FGF13: variants seen among roughly 807,000 people sequenced by gnomAD.
The protein encoded by FGF13 is fibroblast growth factor 13.
In FGF13, 2 loss-of-function variants were observed where a neutral mutation model predicts 19.5. The ratio of observed to expected loss-of-function variants is 0.10; its 90% CI spans 0.04 to 0.32. FGF13 has a LOEUF of 0.32. Ranked by LOEUF, FGF13 falls within the 10% of genes least tolerant of loss-of-function variation. The probability of loss-of-function intolerance (pLI) is 1.00; values close to 1 mark genes in which losing one functional copy is unlikely to be tolerated. For synonymous variants in FGF13, 72 were observed against 76.9 expected (o/e 0.94, Z 0.33); for missense variants, 113 against 192.7 (o/e 0.59, Z 2.45).
intron 1 of FGF13, among the ~76,000 whole-genome samples, chrX:139,089,448 T>C (rs149708198): frequency 2.7e-5 from 3 of 112,343 alleles, no homozygotes; most frequent in Non-Finnish European, 5.6e-5. Context: ...TGGACTCTTA[T>C]GAAGGGGTGA....
At chrX:139,161,869 G>C (rs961953415) in intron 1 of FGF13, among the ~76,000 whole-genome samples, 1 of 111,642 alleles carries the variant, frequency 9.0e-6, no homozygotes, top group Non-Finnish European at 1.9e-5. Context: ...TCTTCAAGGA[G>C]AACTACAAAC....
chrX:138,760,919 A>C, intron 3 of FGF13, among the ~76,000 whole-genome samples: 1 of 111,939 alleles, frequency 8.9e-6, no homozygotes, highest in Non-Finnish European at 1.9e-5. Flanking sequence ...CAAAAAAACA[A>C]ACCTGGAACA....
intron 1 of FGF13, among the ~76,000 whole-genome samples, chrX:138,719,077 C>A (rs778436736): frequency 8.9e-6 from 1 of 112,026 alleles, no homozygotes; most frequent in Non-Finnish European, 1.9e-5. Context: ...AGCTAAGGAT[C>A]CTGAGCCAAA....
rs774810533 is a variant in FGF13 at position 139,141,834 on chromosome X, C to A, written c.-113+61582G>T. Among the ~76,000 whole-genome samples the A allele has an allele frequency of 2.1e-4, 24 of 112,241 alleles. No homozygotes were observed. In the South Asian group the frequency reaches 9.0e-3, roughly 42 times the overall value. On this transcript the variant is annotated intron_variant, in intron 1 of 2. Transcript: ENST00000421460. ...ATTCAATACTCTGGTTTCCAGTAGG[C>A]ACATAATAGGTACTCAGTGAATATT...
At chrX:138,993,893 T>G (rs1050260226) in intron 1 of FGF13, among the ~76,000 whole-genome samples, 13 of 111,701 alleles carry the variant, frequency 1.2e-4, no homozygotes, top group African/African-American at 4.2e-4. Context: ...AGACACCAAG[T>G]AGTAACTACT....
chrX:138,636,814 T>C (rs963938537), intron 3 of FGF13, among the ~76,000 whole-genome samples: 1 of 111,775 alleles, frequency 8.9e-6, no homozygotes, highest in Non-Finnish European at 1.9e-5. Context: ...TTAAAAACAA[T>C]GTCTCCATGG....
At chrX:138,966,900 A>T (rs1020599152) in intron 1 of FGF13, among the ~76,000 whole-genome samples, 21 of 111,413 alleles carry the variant, frequency 1.9e-4, no homozygotes, top group African/African-American at 6.9e-4. Flanking sequence ...GTGATAGCCA[A>T]GTTCTCATGA....
At chrX:139,060,730 A>G (rs973239987) in intron 1 of FGF13, among the ~76,000 whole-genome samples, 1 of 111,648 alleles carries the variant, frequency 9.0e-6, no homozygotes, top group African/African-American at 3.2e-5. Flanking sequence ...ACTTGTTCAA[A>G]GTAACTTTTT....
chrX:139,020,475 C>T lies in FGF13; in HGVS notation c.-112-155825G>A, dbSNP rs139979897. 8.6e-3 allele frequency among the ~76,000 whole-genome samples: 947 copies of T among 110,590 alleles called. 8 individuals are homozygous for T. Among genetic ancestry groups the T allele is most frequent in the African/African-American group, 0.03 (899 of 30,446 alleles). On this transcript the variant is annotated intron_variant, in intron 1 of 2. Coordinates refer to the FGF13 transcript ENST00000421460. ...CTGCCCCTCTCAAGAGTAAAGCTGA[C>T]GGGTCTTCCTACTACATTACTGCTG...
intron 3 of FGF13, among the ~76,000 whole-genome samples, chrX:138,813,598 G>T (rs184820789): frequency 1.6e-3 from 177 of 112,014 alleles, no homozygotes; most frequent in African/African-American, 5.5e-3. Flanking sequence ...AGTTGCTACA[G>T]TGAAATACCG....
chrX:139,064,281 CTTTTTTTTTTTT>C (rs139084376), intron 1 of FGF13, among the ~76,000 whole-genome samples: 1 of 23,159 alleles, frequency 4.3e-5, no homozygotes, highest in Non-Finnish European at 6.7e-5. Context: ...CTTTTTTTTT[CTTTTTTTTTTTT>C]TTTTTTTTTT....
rs2089931808 is a variant in FGF13, at chrX:138,700,024, T to A, written c.402+2960A>T. Among the ~76,000 whole-genome samples the A allele has an allele frequency of 4.5e-5, 5 of 110,998 alleles. No individual in the cohort carries two copies. The South Asian group carries it at 1.9e-3, about 43-fold the overall frequency. The stretch of plus-strand genomic sequence containing the variant: ...CTGACTTCTGTGAAGGTTTTTTTTT[T>A]AATTCTTACCTGAAGACACCTCATT... On this transcript the variant is annotated intron_variant, in intron 3 of 4. Coordinates refer to ENST00000315930, the MANE Select transcript of FGF13 (RefSeq NM_004114.5).
At chrX:138,652,393 C>T (rs911371157) in intron 3 of FGF13, among the ~76,000 whole-genome samples, 1 of 111,520 alleles carries the variant, frequency 9.0e-6, no homozygotes, top group East Asian at 2.8e-4. Context: ...TCTGTCTACC[C>T]TCTCTATAAT....
At chrX:138,846,120 T>C (rs1299285312) in intron 3 of FGF13, among the ~76,000 whole-genome samples, 1 of 110,615 alleles carries the variant, frequency 9.0e-6, no homozygotes, top group Admixed American at 9.7e-5. Flanking sequence ...ATGTGAGCTG[T>C]ACTATTCTGC....
Position 139,085,234 on chromosome X carries a change from C to T in FGF13, c.-113+118182G>A, listed in dbSNP as rs1265299866. 2.7e-5 allele frequency among the ~76,000 whole-genome samples: 3 copies of T among 111,914 alleles called. No individual in the cohort carries two copies. The Admixed American group carries it at 2.8e-4, about 11-fold the overall frequency. On this transcript the variant is annotated intron_variant, in intron 1 of 2. Coordinates refer to the FGF13 transcript ENST00000421460. Reference sequence around the variant, plus strand: ...ATTCAAAAAAAGGACTTGTCATACACTAGGAATAATACTGGATCTAGAACC... The same window carrying T: ...ATTCAAAAAAAGGACTTGTCATACATTAGGAATAATACTGGATCTAGAACC...
intron 1 of FGF13, among the ~76,000 whole-genome samples, chrX:138,911,327 C>T (rs1347510900): frequency 1.4e-4 from 15 of 110,555 alleles, no homozygotes; most frequent in African/African-American, 4.9e-4. Context: ...ATGGATGGAG[C>T]TGGAGGCCAT....
intron 3 of FGF13, among the ~76,000 whole-genome samples, chrX:138,824,771 G>T (rs777367787): frequency 9.0e-6 from 1 of 111,537 alleles, no homozygotes; most frequent in Non-Finnish European, 1.9e-5. Context: ...GGCACGGCTA[G>T]GATTTTCTAT....
chrX:138,688,805 T>C (rs936063795), intron 3 of FGF13, among the ~76,000 whole-genome samples: 1 of 112,035 alleles, frequency 8.9e-6, no homozygotes, highest in Non-Finnish European at 1.9e-5. Flanking sequence ...TTTTTTCAAA[T>C]ATCCTAATAG....
At chrX:138,922,913 A>T (rs953956941) in intron 1 of FGF13, among the ~76,000 whole-genome samples, 3 of 111,838 alleles carry the variant, frequency 2.7e-5, no homozygotes, top group Non-Finnish European at 3.8e-5. Context: ...TCCACATCAA[A>T]CAGTCCATAT....
Sources: allele counts gnomAD v4.1 joint callset (sites outside exome capture counted in the v4.1 genomes callset), GRCh38; gene constraint gnomAD v4.1.1; transcripts MANE v1.5; gene names NCBI Gene and HGNC (gene_info 2026-07-23, HGNC 2026-07-21).